The following CFAP20DC variants were observed in gnomAD, a reference collection of about 807,000 sequenced individuals.
CFAP20DC encodes CFAP20 domain containing, also known as protein CFAP20DC.
In CFAP20DC, 84 loss-of-function variants were observed where a neutral mutation model predicts 101.7. That is an observed-to-expected ratio of 0.83 (90% confidence interval 0.69 to 0.99). The LOEUF is 0.99. Among genes scored for constraint, CFAP20DC ranks in the 50% least tolerant of loss-of-function variants. CFAP20DC has a pLI of 0.00. For missense variants in CFAP20DC, 1,007 were observed against 970.3 expected (o/e 1.04, Z -0.50); for synonymous variants, 359 against 351.2 (o/e 1.02, Z -0.25).
intron 4 of CFAP20DC, among the ~76,000 whole-genome samples, chr3:58,952,133 G>T (rs746162114): frequency 8.5e-5 from 13 of 152,070 alleles, no homozygotes; most frequent in Non-Finnish European, 1.8e-4. Flanking sequence ...CATCATCAGC[G>T]TTGAGTTCAT....
chr3:58,808,893 A>G (rs955459820), intron 14 of CFAP20DC, among the ~76,000 whole-genome samples: 3 of 152,226 alleles, frequency 2.0e-5, no homozygotes, highest in Non-Finnish European at 4.4e-5. Context: ...ACGGAAAACA[A>G]AAAAAGGCAG....
chr3:58,782,419 G>C (rs1575624950), intron 15 of CFAP20DC, among the ~76,000 whole-genome samples: 1 of 152,136 alleles, frequency 6.6e-6, no homozygotes, highest in African/African-American at 2.4e-5. Flanking sequence ...CGTAATACTG[G>C]AAGTCCTAGC....
At chr3:58,833,418 C>CA (rs2076531435) in intron 13 of CFAP20DC, among the ~76,000 whole-genome samples, 1 of 151,946 alleles carries the variant, frequency 6.6e-6, no homozygotes, top group African/African-American at 2.4e-5. Context: ...AAAAAGGAAA[C>CA]AGAAATAATT....
intron 4 of CFAP20DC, among the ~76,000 whole-genome samples, chr3:59,003,498 T>C (rs530060219): frequency 2.6e-5 from 4 of 152,288 alleles, no homozygotes; most frequent in African/African-American, 9.6e-5. Flanking sequence ...AAACCCAAAG[T>C]CAGATGTATG....
intron 1 of CFAP20DC, among the ~76,000 whole-genome samples, chr3:59,048,537 A>G (rs890931130): frequency 6.6e-6 from 1 of 152,120 alleles, no homozygotes; most frequent in African/African-American, 2.4e-5. Flanking sequence ...ATGTCCTCCA[A>G]GTTTCCTGTA....
At chr3:58,811,841 G>A (rs916346987) in intron 14 of CFAP20DC, among the ~76,000 whole-genome samples, 13 of 147,960 alleles carry the variant, frequency 8.8e-5, no homozygotes, top group Admixed American at 2.7e-4. Flanking sequence ...TCTACAATGA[G>A]CCCAAACAAA....
rs573890279 is a variant in CFAP20DC at position 59,041,814 on chromosome 3, T to G, written c.206-2185A>C. On this transcript the variant is annotated intron_variant, in intron 3 of 16. Transcript: ENST00000482387. ...CAAATTAGAAAACCTGTGTGGGCCC[T>G]TTTACTTTTCATCTGTAAAAACTGG... 9.0e-4 allele frequency among the ~76,000 whole-genome samples: 137 copies of G among 152,226 alleles called. 1 individual carries two copies. Among genetic ancestry groups the G allele is most frequent in the Admixed American group, 8.6e-3 (132 of 15,272 alleles).
chr3:58,885,286 AATG>A (rs1460172167), intron 6 of CFAP20DC, among the ~76,000 whole-genome samples: 1 of 152,064 alleles, frequency 6.6e-6, no homozygotes, highest in African/African-American at 2.4e-5. Flanking sequence ...TTATACTTAT[AATG>A]ATATTTTATT....
chr3:58,956,812 A>G (rs1160127201), intron 4 of CFAP20DC, among the ~76,000 whole-genome samples: 1 of 152,180 alleles, frequency 6.6e-6, no homozygotes, highest in Non-Finnish European at 1.5e-5. Context: ...AAGCAGACAC[A>G]TTCTTCTTCA....
rs56234919 is a variant in CFAP20DC at position 58,963,190 on chromosome 3, TTGTGTGTGTGTGTGTG to T, written c.279-25444_279-25429del. 6.8e-3 allele frequency among the ~76,000 whole-genome samples: 806 copies of T among 118,298 alleles called. 7 individuals carry two copies. The highest frequency in any genetic ancestry group is 0.022 in the African/African-American group (715 of 33,076). The allele number at this position is 118,298 out of a possible 152,430, so 77.6% of individuals were successfully genotyped here. The stretch of plus-strand genomic sequence containing the variant: ...ATACTTCTTCTCAAGGTTCAGTAGT[TTGTGTGTGTGTGTGTG>T]TGTGTGTGTGTGTGTGTGTGTGTGT... On this transcript the variant is annotated intron_variant, in intron 4 of 16. Transcript: ENST00000482387.
intron 4 of CFAP20DC, among the ~76,000 whole-genome samples, chr3:59,020,141 T>C (rs1404334241): frequency 1.3e-5 from 2 of 152,078 alleles, no homozygotes; most frequent in African/African-American, 4.8e-5. Context: ...TAACATGACA[T>C]GGATTTATTA....
At chr3:58,840,377 C>T (rs1575845296) in intron 13 of CFAP20DC, among the ~76,000 whole-genome samples, 1 of 152,116 alleles carries the variant, frequency 6.6e-6, no homozygotes, top group African/African-American at 2.4e-5. Flanking sequence ...AATTCAAGAC[C>T]TCAAGCAGGA....
chr3:58,883,564 CT>C (rs2081378001), intron 7 of CFAP20DC, among the ~76,000 whole-genome samples: 1 of 152,110 alleles, frequency 6.6e-6, no homozygotes, highest in Admixed American at 6.6e-5. Flanking sequence ...AACCTCACAT[CT>C]ATTTATTTAT....
At chr3:58,806,354 G>GTTTT in intron 15 of CFAP20DC, 41 bp downstream of exon 15, 1 of 1,120,742 alleles carries the variant, frequency 8.9e-7, no homozygotes, top group Non-Finnish European at 1.3e-6. Flanking sequence ...TTCCAACTAA[G>GTTTT]TTTTTTTTTT....
In CFAP20DC at chr3:58,785,571, A is replaced by G. The variant is rs115397687; in HGVS notation, c.2237+20824T>C. Among the ~76,000 whole-genome samples, 318 of 152,224 alleles carry G rather than the reference A, an allele frequency of 2.1e-3. 4 individuals carry two copies. Among genetic ancestry groups the G allele is most frequent in the African/African-American group, 7.5e-3 (310 of 41,558 alleles). On this transcript the variant is annotated intron_variant, in intron 15 of 16. Coordinates refer to ENST00000482387, the MANE Select transcript of CFAP20DC (RefSeq NM_001394063.1). ...AATGTAAAATATTATGTATCGGTTT[A>G]AAACAGAAAAAAAACTATCTTTTTA...
chr3:58,933,969 T>G (rs1277200263), intron 5 of CFAP20DC, among the ~76,000 whole-genome samples: 3 of 151,718 alleles, frequency 2.0e-5, no homozygotes, highest in African/African-American at 7.3e-5. Context: ...TTCAAAAAAT[T>G]AATGAATCCA....
chr3:58,951,475 C>T (rs2090097822), intron 4 of CFAP20DC, among the ~76,000 whole-genome samples: 1 of 152,126 alleles, frequency 6.6e-6, no homozygotes, highest in Non-Finnish European at 1.5e-5. Context: ...TATTGCAGCA[C>T]TATTCACAAT....
intron 3 of CFAP20DC, among the ~76,000 whole-genome samples, chr3:58,735,473 C>A (rs1229044096): frequency 6.6e-6 from 1 of 152,230 alleles, no homozygotes; most frequent in Non-Finnish European, 1.5e-5. Flanking sequence ...TCAAACGTCA[C>A]TGCTACCATG....
intron 4 of CFAP20DC, among the ~76,000 whole-genome samples, chr3:59,025,590 G>A (rs922729493): frequency 1.3e-5 from 2 of 152,160 alleles, no homozygotes; most frequent in South Asian, 2.1e-4. Context: ...TATAATATCA[G>A]CCCCATTGTA....
Sources: gnomAD v4.1 joint callset for allele counts (sites outside exome capture counted in the v4.1 genomes callset) on GRCh38, gnomAD v4.1.1 for gene constraint, MANE v1.5 for transcripts, NCBI Gene and HGNC (gene_info 2026-07-23, HGNC 2026-07-21) for gene names.